Variants in CYSLTR1 observed in about 807,000 individuals in gnomAD.
CYSLTR1 encodes cysteinyl leukotriene receptor 1.
In CYSLTR1, 1 loss-of-function variant was observed where a neutral mutation model predicts 2.1. The ratio of observed to expected loss-of-function variants is 0.48; its 90% CI spans 0.17 to 2.28. CYSLTR1 has a LOEUF of 2.28. Among genes scored for constraint, CYSLTR1 ranks in the 30% most tolerant of loss-of-function variants. CYSLTR1 has a pLI of 0.26. For synonymous variants in CYSLTR1, 110 were observed against 89.6 expected, an observed-to-expected ratio of 1.23 and a Z score of -1.28; for missense variants, 299 against 250.1, an observed-to-expected ratio of 1.20 and a Z score of -1.32.
Position 78,302,625 on chromosome X carries a change from G to GTGGTACATAC in CYSLTR1, c.-114-19086_-114-19085insGTATGTACCA, listed in dbSNP as rs756709984. Among the ~76,000 whole-genome samples, 11 of 110,378 alleles carry GTGGTACATAC rather than the reference G, an allele frequency of 1.0e-4. No individual in the cohort carries two copies. In the South Asian group the frequency reaches 2.0e-3, roughly 20 times the overall value. On this transcript the variant is annotated intron_variant, in intron 1 of 2. Transcript: ENST00000373304. Reference sequence around the variant, plus strand: ...TATTCAGGACCTAAGAGGTCTTTAGGTATTAGGTGGTACATACTGACAGGA... The same window carrying GTGGTACATAC: ...TATTCAGGACCTAAGAGGTCTTTAGGTGGTACATACTATTAGGTGGTACATACTGACAGGA...
At chrX:78,300,283 A>G (rs1354401509) in intron 1 of CYSLTR1, among the ~76,000 whole-genome samples, 1 of 112,527 alleles carries the variant, frequency 8.9e-6, no homozygotes, top group Non-Finnish European at 1.9e-5. Context: ...TGTTGCTCCA[A>G]TATTGGTCCT....
At chrX:78,287,940 G>A (rs1922139352) in intron 1 of CYSLTR1, among the ~76,000 whole-genome samples, 1 of 111,476 alleles carries the variant, frequency 9.0e-6, no homozygotes, top group South Asian at 3.8e-4. Flanking sequence ...ATTACTGCAT[G>A]TCAGTTCTAC....
At chrX:78,295,109 C>A (rs996227859) in intron 1 of CYSLTR1, among the ~76,000 whole-genome samples, 1 of 112,306 alleles carries the variant, frequency 8.9e-6, no homozygotes, top group African/African-American at 3.2e-5. Context: ...ATTTGGCCAT[C>A]TTGGAATGGA....
rs965569427 is a variant in CYSLTR1, at chrX:78,273,354, G to T, written c.393C>A (p.Asn131Lys). The T allele has an allele frequency of 2.6e-5, 32 of 1,209,113 alleles. No homozygotes were observed. The highest frequency in any genetic ancestry group is 3.5e-5 in the Non-Finnish European group (31 of 895,037). Residue 131 changes from asparagine (N) to lysine (K), a missense_variant, in exon 3 of 3, where the codon AAC becomes AAA. Asn to Lys is a moderately conservative substitution (Grantham distance 94). Coordinates refer to ENST00000373304, the MANE Select transcript of CYSLTR1 (RefSeq NM_006639.4). ...RCIAIVFPVQ[N>K]INLVTQKKAR... ...CTTTTTTCTGTGTAACCAAATTAATGTTCTGGACTGGAAAAACAATTGCAA... is the reference window on the plus strand; with the variant it reads ...CTTTTTTCTGTGTAACCAAATTAATTTTCTGGACTGGAAAAACAATTGCAA...
intron 1 of CYSLTR1, chrX:78,319,686 C>A (rs1569552533): frequency 9.0e-6 from 1 of 111,580 alleles, no homozygotes; most frequent in Non-Finnish European, 1.9e-5. Context: ...TGAGGAATCG[C>A]CACAGACTTC....
chrX:78,310,549 C>T (rs973865373), intron 1 of CYSLTR1, among the ~76,000 whole-genome samples: 13 of 112,259 alleles, frequency 1.2e-4, no homozygotes, highest in Admixed American at 1.9e-4. Flanking sequence ...AAGACACAGA[C>T]CTTGCCCACT....
chrX:78,311,263 A>G lies in CYSLTR1; in HGVS notation c.-115+16042T>C, dbSNP rs756944566. ...GTAGAATGGGAGAGAAATATGACCA[A>G]GAAGGGACTGATGGCCCAATTGAGG... On this transcript the variant is annotated intron_variant, in intron 1 of 2. Transcript: ENST00000373304. Among the ~76,000 whole-genome samples, 446 of 111,577 alleles carry G rather than the reference A, an allele frequency of 4.0e-3. 1 individual carries two copies. The highest frequency in any genetic ancestry group is 0.014 in the African/African-American group (424 of 30,727).
intron 2 of CYSLTR1, among the ~76,000 whole-genome samples, chrX:78,274,858 C>A (rs1921504222): frequency 9.0e-6 from 1 of 111,560 alleles, no homozygotes; most frequent in Non-Finnish European, 1.9e-5. Context: ...CCAGAATCTA[C>A]AATGAACTCA....
rs1402899555 is a variant in CYSLTR1, at chrX:78,272,174, C to G, written c.*559G>C. 9.0e-6 allele frequency: 1 copy of G among 111,655 alleles called. No individual in the cohort carries two copies. Among genetic ancestry groups the G allele is most frequent in the Non-Finnish European group, 1.9e-5 (1 of 53,148 alleles). The allele number at this position is 111,655 out of a possible 1,213,427, so 9.2% of individuals were successfully genotyped here. ...AGCTGAATACTAGTCTGTTCTAGCACTTTTACATTCTCTTTTGGAAGAAAT... is the reference window on the plus strand; with the variant it reads ...AGCTGAATACTAGTCTGTTCTAGCAGTTTTACATTCTCTTTTGGAAGAAAT... On this transcript the variant is annotated 3_prime_UTR_variant, in exon 3 of 3. Transcript: ENST00000373304.
Position 78,271,569 on chromosome X carries a change from T to A in CYSLTR1, c.*1164A>T, listed in dbSNP as rs1243092368. 1 of 111,985 alleles carries A rather than the reference T, an allele frequency of 8.9e-6. No homozygotes were observed. Among genetic ancestry groups the A allele is most frequent in the South Asian group, 3.7e-4 (1 of 2,709 alleles). 9.2% of individuals were successfully genotyped at this position (111,985 alleles called of 1,213,427 possible). Reference sequence around the variant, plus strand: ...TCAGCAAAAGCTTGTCCACGCATATTATATTTCAGCCGTAGATGAGTTGTT... The same window carrying A: ...TCAGCAAAAGCTTGTCCACGCATATAATATTTCAGCCGTAGATGAGTTGTT... On this transcript the variant is annotated 3_prime_UTR_variant, in exon 3 of 3. Transcript: ENST00000373304.
Position 78,271,599 on chromosome X carries a change from C to T in CYSLTR1, c.*1134G>A, listed in dbSNP as rs1271238111. ...TTCAGCCGTAGATGAGTTGTTGTGG[C>T]TGTTTTAAGATCAAAGCGTCCACTG... On this transcript the variant is annotated 3_prime_UTR_variant, in exon 3 of 3. Transcript: ENST00000373304. 1 of 111,971 alleles carries T rather than the reference C, an allele frequency of 8.9e-6. No individual in the cohort carries two copies. Among genetic ancestry groups the T allele is most frequent in the East Asian group, 2.8e-4 (1 of 3,576 alleles). The allele number at this position is 111,971 out of a possible 1,213,427, so 9.2% of individuals were successfully genotyped here.
At chrX:78,285,421 CAAA>C (rs397897021) in intron 1 of CYSLTR1, among the ~76,000 whole-genome samples, 1 of 65,637 alleles carries the variant, frequency 1.5e-5, no homozygotes, top group Non-Finnish European at 2.7e-5. Flanking sequence ...GACTCCGTCT[CAAA>C]AAAAAAAAAA....
chrX:78,309,350 C>T (rs976952454), intron 1 of CYSLTR1, among the ~76,000 whole-genome samples: 1 of 111,078 alleles, frequency 9.0e-6, no homozygotes, highest in Admixed American at 9.6e-5. Flanking sequence ...TTCTCAGGAC[C>T]CCTCCTGTTA....
intron 2 of CYSLTR1, among the ~76,000 whole-genome samples, chrX:78,275,464 T>C (rs1921541918): frequency 9.1e-6 from 1 of 109,661 alleles, no homozygotes; most frequent in African/African-American, 3.3e-5. Context: ...TCATTCTCAG[T>C]AAACTATTGC....
chrX:78,317,032 G>C (rs1923444201), intron 1 of CYSLTR1, among the ~76,000 whole-genome samples: 1 of 112,062 alleles, frequency 8.9e-6, no homozygotes, highest in African/African-American at 3.2e-5. Flanking sequence ...GAAATAATTA[G>C]TACAGTAAAC....
chrX:78,283,457 T>C lies in CYSLTR1; in HGVS notation c.-31A>G, dbSNP rs1205216417. On this transcript the variant is annotated 5_prime_UTR_variant, in exon 2 of 3. Coordinates refer to ENST00000373304, the MANE Select transcript of CYSLTR1 (RefSeq NM_006639.4). ...CATTTGGAAAATTCAGGTATACCTC[T>C]TTCTGGCACTGGAGTACCTTCACAA... The C allele has an allele frequency of 8.9e-6, 1 of 112,753 alleles. No individual in the cohort carries two copies. Among genetic ancestry groups the C allele is most frequent in the Non-Finnish European group, 1.9e-5 (1 of 53,356 alleles). The allele number at this position is 112,753 out of a possible 1,213,427, so 9.3% of individuals were successfully genotyped here. A position where few individuals can be genotyped will look rare whatever the true frequency, so the allele number is the denominator to read the frequency against.
chrX:78,295,085 C>T (rs1449949617), intron 1 of CYSLTR1, among the ~76,000 whole-genome samples: 3 of 112,257 alleles, frequency 2.7e-5, no homozygotes, highest in Non-Finnish European at 3.8e-5. Flanking sequence ...GAGCTGCAGA[C>T]CAGAGCTGTT....
chrX:78,283,916 T>C (rs1390381099), intron 1 of CYSLTR1, among the ~76,000 whole-genome samples: 1 of 112,082 alleles, frequency 8.9e-6, no homozygotes, highest in Non-Finnish European at 1.9e-5. Flanking sequence ...TTTGGAACTT[T>C]ACATCCAGGG....
chrX:78,280,034 A>G (rs997146618), intron 2 of CYSLTR1, among the ~76,000 whole-genome samples: 1 of 110,971 alleles, frequency 9.0e-6, no homozygotes. Context: ...AACCATTTGT[A>G]CCCTAATCCT....
Sources: allele counts gnomAD v4.1 joint callset (sites outside exome capture counted in the v4.1 genomes callset), GRCh38; gene constraint gnomAD v4.1.1; transcripts MANE v1.5; gene names NCBI Gene and HGNC (gene_info 2026-07-23, HGNC 2026-07-21).